The following PITPNC1 variants were observed in gnomAD, a reference collection of about 807,000 sequenced individuals.
PITPNC1 encodes cytoplasmic phosphatidylinositol transfer protein 1.
Under a neutral mutation model 44.7 loss-of-function variants are expected in PITPNC1, and 18 were observed. The ratio of observed to expected loss-of-function variants is 0.40; its 90% CI spans 0.28 to 0.60. PITPNC1 has a LOEUF of 0.60. Among genes scored for constraint, PITPNC1 ranks in the 20% least tolerant of loss-of-function variants. The pLI, the probability that PITPNC1 is intolerant of heterozygous loss-of-function variation, is 0.39. For synonymous variants in PITPNC1, 141 were observed against 149.6 expected (o/e 0.94, Z 0.42); for missense variants, 290 against 418.4 (o/e 0.69, Z 2.68).
chr17:67,539,787 G>A lies in PITPNC1; in HGVS notation c.197+6837G>A, dbSNP rs548680178. Among the ~76,000 whole-genome samples the A allele has an allele frequency of 4.6e-5, 7 of 152,230 alleles. No individual in the cohort carries two copies. The East Asian group carries it at 7.7e-4, about 17-fold the overall frequency. ...CGGGAGGTGGAGGTTGCCGTGAGCC[G>A]AGATCGCGCCACTGCACTCGAGCCT... On this transcript the variant is annotated intron_variant, in intron 2 of 8. Transcript: ENST00000581322.
At chr17:67,478,878 T>C (rs1015075766) in intron 1 of PITPNC1, among the ~76,000 whole-genome samples, 4 of 151,152 alleles carry the variant, frequency 2.6e-5, no homozygotes, top group Admixed American at 6.6e-5. Context: ...CCTGCGACTT[T>C]CTTCAATCTT....
intron 2 of PITPNC1, among the ~76,000 whole-genome samples, chr17:67,539,521 A>C (rs1160244572): frequency 3.3e-5 from 5 of 152,220 alleles, no homozygotes; most frequent in Non-Finnish European, 7.3e-5. Context: ...TGCACATCGT[A>C]ACGTGCAATA....
intron 1 of PITPNC1, among the ~76,000 whole-genome samples, chr17:67,447,248 G>C (rs192797635): frequency 6.6e-6 from 1 of 151,904 alleles, no homozygotes; most frequent in Non-Finnish European, 1.5e-5. Context: ...TTGGAATGCA[G>C]GCCACCTAGG....
At chr17:67,503,475 A>G (rs1234046734) in intron 1 of PITPNC1, among the ~76,000 whole-genome samples, 1 of 152,110 alleles carries the variant, frequency 6.6e-6, no homozygotes, top group Non-Finnish European at 1.5e-5. Flanking sequence ...CCCAGGTACC[A>G]TGTCACACTC....
intron 1 of PITPNC1, among the ~76,000 whole-genome samples, chr17:67,399,978 T>C (rs1329050845): frequency 1.3e-5 from 2 of 152,218 alleles, no homozygotes; most frequent in African/African-American, 4.8e-5. Flanking sequence ...TGCCCTCTTT[T>C]GGCCTGTATT....
chr17:67,600,623 G>C (rs1421162756), intron 5 of PITPNC1, among the ~76,000 whole-genome samples: 1 of 151,920 alleles, frequency 6.6e-6, no homozygotes, highest in African/African-American at 2.4e-5. Context: ...GATATTAATA[G>C]TATTGAGAAA....
chr17:67,663,336 G>A (rs1181569187), intron 6 of PITPNC1, among the ~76,000 whole-genome samples: 5 of 151,994 alleles, frequency 3.3e-5, no homozygotes, highest in East Asian at 1.9e-4. Flanking sequence ...TTGGGAGGCC[G>A]AGGCGGGTGG....
intron 1 of PITPNC1, among the ~76,000 whole-genome samples, chr17:67,406,789 G>A (rs940875202): frequency 2.0e-5 from 3 of 151,864 alleles, no homozygotes; most frequent in African/African-American, 7.3e-5. Flanking sequence ...GTTTCACCAC[G>A]TTGGCAAGGT....
At chr17:67,632,086 C>T (rs773586549) in intron 5 of PITPNC1, 57 bp from the exon 6 acceptor site, 28 of 1,096,612 alleles carry the variant, frequency 2.6e-5, no homozygotes, top group Non-Finnish European at 3.5e-5. Flanking sequence ...GCCTCGGGCA[C>T]TTTGGAGGGT....
At chr17:67,690,816 G>A (rs2042913015) in intron 8 of PITPNC1, among the ~76,000 whole-genome samples, 1 of 151,870 alleles carries the variant, frequency 6.6e-6, no homozygotes, top group South Asian at 2.1e-4. Context: ...AATAATAACA[G>A]TAATAAGGCT....
chr17:67,653,521 A>C (rs1192700991), intron 6 of PITPNC1, among the ~76,000 whole-genome samples: 1 of 152,068 alleles, frequency 6.6e-6, no homozygotes, highest in Admixed American at 6.5e-5. Context: ...TGTTTAAGCC[A>C]CCAGTGTGTG....
In PITPNC1 at chr17:67,666,201, G is replaced by A. The variant is rs573586368; in HGVS notation, c.463-3307G>A. On this transcript the variant is annotated intron_variant, in intron 6 of 8. Transcript: ENST00000581322. Reference sequence around the variant, plus strand: ...AATACAGCTGGGATCTTGCTATGTTGGCCAGGCTGGCCTTGAACTTCTGGC... The same window carrying A: ...AATACAGCTGGGATCTTGCTATGTTAGCCAGGCTGGCCTTGAACTTCTGGC... Among the ~76,000 whole-genome samples, 9 of 152,228 alleles carry A rather than the reference G, an allele frequency of 5.9e-5. 1 individual carries two copies. In the South Asian group the frequency reaches 1.0e-3, roughly 18 times the overall value.
At chr17:67,533,897 T>G (rs574861334) in intron 2 of PITPNC1, among the ~76,000 whole-genome samples, 1 of 152,230 alleles carries the variant, frequency 6.6e-6, no homozygotes, top group South Asian at 2.1e-4. Context: ...TTTTCTTTCT[T>G]TTTTTGTTTT....
rs970380886 is a variant in PITPNC1, at chr17:67,697,232, G to C, written c.*4344G>C. ...AACTTACTTTTTCTTACATTCTGTT[G>C]TAAATAAAATACAAAGCAATCTTCT... is the stretch of plus-strand genomic sequence containing the variant. On this transcript the variant is annotated 3_prime_UTR_variant, in exon 9 of 9. Transcript: ENST00000581322. 1 of 151,150 alleles carries C rather than the reference G, an allele frequency of 6.6e-6. No individual in the cohort carries two copies. Among genetic ancestry groups the C allele is most frequent in the Non-Finnish European group, 1.5e-5 (1 of 67,896 alleles). 9.4% of individuals were successfully genotyped at this position (151,150 alleles called of 1,614,324 possible).
chr17:67,502,094 C>T (rs1366563281), intron 1 of PITPNC1, among the ~76,000 whole-genome samples: 1 of 152,176 alleles, frequency 6.6e-6, no homozygotes, highest in Non-Finnish European at 1.5e-5. Flanking sequence ...AGTTGAAGCA[C>T]ATTAGATGTG....
chr17:67,582,552 T>C (rs371767343), intron 5 of PITPNC1, among the ~76,000 whole-genome samples: 1 of 150,916 alleles, frequency 6.6e-6, no homozygotes, highest in Admixed American at 6.6e-5. Context: ...AATTACCATA[T>C]AAGTAATTTT....
At chr17:67,633,908 A>C (rs2042000192) in intron 6 of PITPNC1, among the ~76,000 whole-genome samples, 2 of 152,208 alleles carry the variant, frequency 1.3e-5, no homozygotes, top group Non-Finnish European at 2.9e-5. Context: ...TTTTCCTCCC[A>C]GTGTGCTTTG....
At chr17:67,662,227 G>T (rs1403492557) in intron 6 of PITPNC1, among the ~76,000 whole-genome samples, 1 of 152,012 alleles carries the variant, frequency 6.6e-6, no homozygotes, top group Non-Finnish European at 1.5e-5. Context: ...GCCGAGGCAG[G>T]TGTATCACCT....
intron 6 of PITPNC1, among the ~76,000 whole-genome samples, chr17:67,653,919 G>C (rs560767003): frequency 6.6e-6 from 1 of 152,278 alleles, no homozygotes; most frequent in African/African-American, 2.4e-5. Context: ...ATGCGTGAAG[G>C]CTGCCGGACT....
Sources: allele counts gnomAD v4.1 joint callset (sites outside exome capture counted in the v4.1 genomes callset), GRCh38; gene constraint gnomAD v4.1.1; transcripts MANE v1.5; gene names NCBI Gene and HGNC (gene_info 2026-07-23, HGNC 2026-07-21).